ZNF638: variants seen among roughly 807,000 people sequenced by gnomAD.
The protein encoded by ZNF638 is CTCL tumor antigen se33-1.
Under a neutral mutation model 195.6 loss-of-function variants are expected in ZNF638, and 46 were observed. The observed-to-expected ratio is 0.24, with a 90% CI of 0.19 to 0.30. The LOEUF (loss-of-function observed/expected upper bound fraction) is 0.30. Among genes scored for constraint, ZNF638 ranks in the 10% least tolerant of loss-of-function variants. The pLI, the probability that ZNF638 is intolerant of heterozygous loss-of-function variation, is 1.00. For synonymous variants in ZNF638, 845 were observed against 772.0 expected, an observed-to-expected ratio of 1.09 and a Z score of -1.57; for missense variants, 2,440 against 2,325.3, an observed-to-expected ratio of 1.05 and a Z score of -1.01.
intron 12 of ZNF638, 104 bp downstream of exon 12, chr2:71,398,876 T>C (rs1257365032): frequency 1.2e-5 from 12 of 1,039,416 alleles, no homozygotes; most frequent in Admixed American, 4.8e-5. Flanking sequence ...TTAGTAGATA[T>C]TTCCTTGATA....
rs568557206 is a variant in ZNF638, at chr2:71,402,212, G to C, written c.2829+125G>C. On this transcript the variant is annotated intron_variant, in intron 16 of 27. Coordinates refer to ENST00000264447, the MANE Select transcript of ZNF638 (RefSeq NM_014497.5). ...TCTCAAAGTAAACTTTCAAGCTAAGGGATTTTAAAATATAAAACACAGATA... is the reference window on the plus strand; with the variant it reads ...TCTCAAAGTAAACTTTCAAGCTAAGCGATTTTAAAATATAAAACACAGATA... The C allele has an allele frequency of 3.7e-5, 37 of 1,003,746 alleles. No homozygotes were observed. In the South Asian group the frequency reaches 7.5e-4, roughly 20 times the overall value. The allele number at this position is 1,003,746 out of a possible 1,614,324, so 62.2% of individuals were successfully genotyped here.
Position 71,368,399 on chromosome 2 carries a change from A to G in ZNF638, c.2013A>G (p.Ser671=), listed in dbSNP as rs1311065598. Residue 671 remains serine (S), a synonymous_variant, in exon 7 of 28, where the codon TCA becomes TCG. Transcript: ENST00000264447. ...AAAAATAGCTTCGGAAAGAACAGTC[A>G]TTGCATTATGGTTCGGTTCTTCTTA... is the stretch of plus-strand genomic sequence containing the variant. The part of the protein sequence containing the change: ...SLQRKLRKEQ[S]LHYGSVLLIT... 8 of 1,611,726 alleles carry G rather than the reference A, an allele frequency of 5.0e-6. No homozygotes were observed. Among genetic ancestry groups the G allele is most frequent in the Non-Finnish European group, 6.8e-6 (8 of 1,179,286 alleles).
chr2:71,423,725 C>T lies in ZNF638; in HGVS notation c.4211C>T (p.Ala1404Val). 2 of 1,613,848 alleles carry T rather than the reference C, an allele frequency of 1.2e-6. No homozygotes were observed. The highest frequency in any genetic ancestry group is 8.5e-7 in the Non-Finnish European group (1 of 1,179,998). ...IKAVIVSSPKAKATVSKTENQ... is the reference protein window; with the variant it reads ...IKAVIVSSPKVKATVSKTENQ... Reference sequence around the variant, plus strand: ...GCTGTTATAGTCTCTTCTCCTAAGGCAAAAGCTACAGTTTCAAAAACTGAA... The same window carrying T: ...GCTGTTATAGTCTCTTCTCCTAAGGTAAAAGCTACAGTTTCAAAAACTGAA... The change falls in exon 22 of 28, where the codon GCA (alanine) becomes GTA (valine). Residue 1404 changes from alanine (A) to valine (V), a missense_variant. This residue lies in a region of ZNF638 where 1,883 missense variants were observed against 1,739.1 expected (regional missense o/e 1.08). Coordinates refer to ENST00000264447, the MANE Select transcript of ZNF638 (RefSeq NM_014497.5).
intron 1 of ZNF638, among the ~76,000 whole-genome samples, chr2:71,346,954 GT>G (rs1337995284): frequency 2.0e-5 from 3 of 152,122 alleles, no homozygotes; most frequent in Non-Finnish European, 4.4e-5. Context: ...AACCCAAGAG[GT>G]GGAGGTTGCA....
intron 27 of ZNF638, among the ~76,000 whole-genome samples, chr2:71,434,395 C>CA (rs1254282040): frequency 6.6e-6 from 1 of 152,216 alleles, no homozygotes; most frequent in Non-Finnish European, 1.5e-5. Flanking sequence ...AGTTCAGCCT[C>CA]AATTACGTTG....
Position 71,423,002 on chromosome 2 carries a change from A to C in ZNF638, c.3488A>C (p.Glu1163Ala), listed in dbSNP as rs1558883300. 1.2e-6 allele frequency: 2 copies of C among 1,614,168 alleles called. No homozygotes were observed. Among genetic ancestry groups the C allele is most frequent in the East Asian group, 2.2e-5 (1 of 44,872 alleles). ...ACATGTGATTCTGACTTTGCTGTTGAAACTTTGGAGCTTGAAACTCAAGGA... is the reference window on the plus strand; with the variant it reads ...ACATGTGATTCTGACTTTGCTGTTGCAACTTTGGAGCTTGAAACTCAAGGA... ...KATCDSDFAV[E>A]TLELETQGEE... Residue 1163 changes from glutamate (E) to alanine (A), a missense_variant, in exon 22 of 28, where the codon GAA becomes GCA. This residue lies in a region of ZNF638 where 1,883 missense variants were observed against 1,739.1 expected (regional missense o/e 1.08). Transcript: ENST00000264447.
At chr2:71,340,441 A>C (rs183821604) in intron 1 of ZNF638, among the ~76,000 whole-genome samples, 1 of 152,220 alleles carries the variant, frequency 6.6e-6, no homozygotes, top group South Asian at 2.1e-4. Context: ...ACAGAATGAC[A>C]TGTTAGTTTT....
intron 10 of ZNF638, among the ~76,000 whole-genome samples, chr2:71,390,143 G>A (rs1479288920): frequency 6.6e-6 from 1 of 152,182 alleles, no homozygotes; most frequent in Non-Finnish European, 1.5e-5. Context: ...GGGCAAATCA[G>A]TGCAAGTCCA....
At chr2:71,348,698 A>G in intron 1 of ZNF638, 55 bp from the exon 2 acceptor site, 1 of 1,429,150 alleles carries the variant, frequency 7.0e-7, no homozygotes. Flanking sequence ...TGTAGAACCC[A>G]CTTCATGAAG....
At chr2:71,432,896 C>T (rs75058782) in intron 26 of ZNF638, among the ~76,000 whole-genome samples, 2 of 152,192 alleles carry the variant, frequency 1.3e-5, no homozygotes, top group Non-Finnish European at 2.9e-5. Context: ...CGAGACCAGC[C>T]TGGGCAACAT....
chr2:71,356,689 T>G (rs1230348712), intron 3 of ZNF638, among the ~76,000 whole-genome samples: 1 of 151,834 alleles, frequency 6.6e-6, no homozygotes, highest in Non-Finnish European at 1.5e-5. Flanking sequence ...TTTGGGAGGC[T>G]GAGGTGGTAG....
chr2:71,401,359 A>T (rs973495206), intron 15 of ZNF638, among the ~76,000 whole-genome samples: 1 of 152,022 alleles, frequency 6.6e-6, no homozygotes, highest in African/African-American at 2.4e-5. Context: ...AAAGTGCTTA[A>T]TTGCATTGAG....
At chr2:71,392,880 A>G (rs1311022673) in intron 10 of ZNF638, among the ~76,000 whole-genome samples, 7 of 152,174 alleles carry the variant, frequency 4.6e-5, no homozygotes, top group Non-Finnish European at 8.8e-5. Flanking sequence ...TTGGAATACT[A>G]AGATATGTAC....
At chr2:71,350,501 G>A (rs1406173707) in intron 2 of ZNF638, among the ~76,000 whole-genome samples, 1 of 152,086 alleles carries the variant, frequency 6.6e-6, no homozygotes, top group East Asian at 1.9e-4. Context: ...TTAGTAGTGT[G>A]TCCATTTATT....
chr2:71,432,067 C>T (rs370332778), intron 26 of ZNF638, among the ~76,000 whole-genome samples: 1 of 152,178 alleles, frequency 6.6e-6, no homozygotes, highest in Non-Finnish European at 1.5e-5. Flanking sequence ...CTTTGCTAGC[C>T]GACTTTGTTC....
Position 71,423,534 on chromosome 2 carries a change from A to G in ZNF638, c.4020A>G (p.Ala1340=), listed in dbSNP as rs1203363906. Reference sequence around the variant, plus strand: ...AAAAGAATGAAGGTAGGATGGATGCAGAAAAGGTGGAAAAGATGGCAGCAA... The same window carrying G: ...AAAAGAATGAAGGTAGGATGGATGCGGAAAAGGTGGAAAAGATGGCAGCAA... ...KAEKNEGRMD[A]EKVEKMAAMK... The change falls in exon 22 of 28, where the codon GCA becomes GCG. Residue 1340 remains alanine (A), a synonymous_variant. Coordinates refer to ENST00000264447, the MANE Select transcript of ZNF638 (RefSeq NM_014497.5). 1 of 1,614,116 alleles carries G rather than the reference A, an allele frequency of 6.2e-7. No individual in the cohort carries two copies.
At chr2:71,365,308 A>ATT (rs71402912) in intron 5 of ZNF638, 121 bp from the exon 6 acceptor site, 3 of 795,762 alleles carry the variant, frequency 3.8e-6, no homozygotes, top group African/African-American at 1.8e-5. Context: ...TAAAATCTAG[A>ATT]TTTTTGTATT....
chr2:71,424,029 C>T lies in ZNF638; in HGVS notation c.4515C>T (p.Ser1505=). The T allele has an allele frequency of 1.2e-6, 2 of 1,613,166 alleles. No homozygotes were observed. Among genetic ancestry groups the T allele is most frequent in the Non-Finnish European group, 1.7e-6 (2 of 1,179,462 alleles). ...ARPSIMKRDD[S]NNKTLAEQNT... is the part of the protein sequence containing the mutation. ...CTTCCATCATGAAACGGGATGACAGCAACAATAAGGTGAGGAGGGTAGGAA... is the reference window on the plus strand; with the variant it reads ...CTTCCATCATGAAACGGGATGACAGTAACAATAAGGTGAGGAGGGTAGGAA... The change falls in exon 22 of 28, where the codon AGC becomes AGT. Residue 1505 remains serine (S), a synonymous_variant. Coordinates refer to ENST00000264447, the MANE Select transcript of ZNF638 (RefSeq NM_014497.5).
chr2:71,337,128 T>C (rs968999535), intron 1 of ZNF638, among the ~76,000 whole-genome samples: 4 of 150,886 alleles, frequency 2.7e-5, no homozygotes, highest in Non-Finnish European at 5.9e-5. Context: ...TCTTGCCATA[T>C]TGCCTATAGT....
Sources: gnomAD v4.1 joint callset for allele counts (sites outside exome capture counted in the v4.1 genomes callset) on GRCh38, gnomAD v4.1.1 for gene constraint, gnomAD v4.1.1 regional missense constraint, MANE v1.5 for transcripts, NCBI Gene and HGNC (gene_info 2026-07-23, HGNC 2026-07-21) for gene names.